The following PFKM variants were observed in gnomAD, a reference collection of about 807,000 sequenced individuals.
The protein encoded by PFKM is ATP-dependent 6-phosphofructokinase, muscle type.
A neutral mutation model predicts 95.5 loss-of-function variants in PFKM; 58 were observed. The observed-to-expected ratio is 0.61, with a 90% CI of 0.49 to 0.76. The LOEUF is 0.76. PFKM is among the 30% of genes least tolerant of loss of function. The pLI is 0.00. For missense variants in PFKM, 678 were observed against 1,005.4 expected, an observed-to-expected ratio of 0.67 and a Z score of 4.40; for synonymous variants, 336 against 357.2, an observed-to-expected ratio of 0.94 and a Z score of 0.67.
At position 48,145,696 on chromosome 12, in the gene PFKM, A is replaced by G. The variant is rs1433384870; in HGVS notation, c.2331A>G (p.Glu777=). ...LEHITRKRSG[E]AAV Reference sequence around the variant, plus strand: ...ACATCACCCGGAAGCGGTCCGGGGAAGCTGCCGTCTAAACCTCTCTGGAGT... The same window carrying G: ...ACATCACCCGGAAGCGGTCCGGGGAGGCTGCCGTCTAAACCTCTCTGGAGT... Residue 777 remains glutamate (E), a synonymous_variant, in exon 23 of 23, where the codon GAA becomes GAG. Transcript: ENST00000359794. This position sits in a 1 kb window ranked among gnomAD's most constrained non-coding sequence, Gnocchi z 4.3. The G allele has an allele frequency of 6.2e-7, 1 of 1,614,162 alleles. No individual in the cohort carries two copies. The highest frequency in any genetic ancestry group is 8.5e-7 in the Non-Finnish European group (1 of 1,179,996).
chr12:48,129,872 G>A, intron 2 of PFKM, among the ~76,000 whole-genome samples: 1 of 152,176 alleles, frequency 6.6e-6, no homozygotes, highest in Non-Finnish European at 1.5e-5. Context: ...GTTAACTTAG[G>A]CATCTGAGAA....
chr12:48,135,911 C>CA (rs1950036183), intron 10 of PFKM, among the ~76,000 whole-genome samples: 6 of 151,430 alleles, frequency 4.0e-5, no homozygotes, highest in Non-Finnish European at 8.8e-5. Context: ...TTTTTTGAGA[C>CA]GCACCATTGC....
chr12:48,108,431 A>G (rs1211205733), intron 3 of PFKM, among the ~76,000 whole-genome samples: 2 of 152,190 alleles, frequency 1.3e-5, no homozygotes, highest in African/African-American at 4.8e-5. Flanking sequence ...GGGAAATTGT[A>G]GGGAAACAGA....
intron 17 of PFKM, 64 bp downstream of exon 17, chr12:48,142,130 G>T: frequency 1.4e-6 from 2 of 1,434,320 alleles, no homozygotes; most frequent in Non-Finnish European, 2.0e-6. Flanking sequence ...ACTGAGTGTG[G>T]TCCCAAACAG....
intron 1 of PFKM, among the ~76,000 whole-genome samples, chr12:48,107,211 T>A (rs1222745677): frequency 6.6e-6 from 1 of 152,158 alleles, no homozygotes; most frequent in Non-Finnish European, 1.5e-5. Flanking sequence ...TACATCAAAG[T>A]AGATTATTTG....
intron 3 of PFKM, among the ~76,000 whole-genome samples, chr12:48,111,313 TG>T (rs1947168132): frequency 6.6e-6 from 1 of 152,202 alleles, no homozygotes; most frequent in South Asian, 2.1e-4. Flanking sequence ...GCATTGCCCA[TG>T]CCCCCTGCTG....
At chr12:48,129,223 T>C (rs1949184337) in intron 2 of PFKM, among the ~76,000 whole-genome samples, 1 of 119,702 alleles carries the variant, frequency 8.4e-6, no homozygotes, top group African/African-American at 3.3e-5. Flanking sequence ...TTTTTTTTTT[T>C]TTTTTTTTTT....
At position 48,134,227 on chromosome 12, in the gene PFKM, T is replaced by C; in HGVS notation, c.594-5T>C. 6.2e-7 allele frequency: 1 copy of C among 1,613,566 alleles called. No individual in the cohort carries two copies. The highest frequency in any genetic ancestry group is 8.5e-7 in the Non-Finnish European group (1 of 1,179,456). On this transcript the variant is annotated splice_region_variant and splice_polypyrimidine_tract_variant and intron_variant, in intron 6 of 22. Transcript: ENST00000359794. ...TGGACTGTGTCATATGTCTATCTCT[T>C]GCAGCCACCAGAGGACATTTGTGTT...
intron 2 of PFKM, 77 bp from the exon 3 acceptor site, chr12:48,130,286 A>C: frequency 4.5e-6 from 4 of 892,994 alleles, no homozygotes; most frequent in Non-Finnish European, 7.7e-6. Context: ...TCTTTAGCCA[A>C]ATGTAATATC....
chr12:48,112,322 C>T (rs1214851143), intron 3 of PFKM, among the ~76,000 whole-genome samples: 1 of 152,000 alleles, frequency 6.6e-6, no homozygotes, highest in Admixed American at 6.5e-5. Context: ...CTAACCATGC[C>T]TAGGAAGGAA....
chr12:48,142,826 G>C lies in PFKM; in HGVS notation c.1698G>C (p.Arg566=). The C allele has an allele frequency of 6.2e-7, 1 of 1,614,108 alleles. No individual in the cohort carries two copies. The highest frequency in any genetic ancestry group is 8.5e-7 in the Non-Finnish European group (1 of 1,179,996). ...AGTCAGCAGCTGGCACCAAGCGTCG[G>C]GTGTTTATCATTGAGACTATGGGTG... ...IKQSAAGTKR[R]VFIIETMGGY... The change falls in exon 18 of 23, where the codon CGG becomes CGC. Residue 566 remains arginine, a synonymous_variant. Coordinates refer to ENST00000359794, the MANE Select transcript of PFKM (RefSeq NM_000289.6).
At chr12:48,108,638 A>G (rs779958703) in intron 3 of PFKM, among the ~76,000 whole-genome samples, 2 of 152,226 alleles carry the variant, frequency 1.3e-5, no homozygotes, top group African/African-American at 2.4e-5. Context: ...TTAGGAAACC[A>G]TTTAATAATA....
chr12:48,137,700 T>G, intron 10 of PFKM, 21 bp from the exon 11 acceptor site: 2 of 1,613,994 alleles, frequency 1.2e-6, no homozygotes, highest in Non-Finnish European at 1.7e-6. Context: ...CAGACTGTCT[T>G]TGTTCTCTGG....
intron 10 of PFKM, 106 bp downstream of exon 10, chr12:48,135,489 C>A: frequency 1.3e-6 from 1 of 761,630 alleles, no homozygotes; most frequent in Non-Finnish European, 2.2e-6. Context: ...TCACTGGTCG[C>A]ATTGCCTCTC....
Position 48,133,469 on chromosome 12 carries a change from C to T in PFKM, c.582C>T (p.Thr194=). ...TGGAAATTGTAGATGCCATCACTAC[C>T]ACTGCCCAGAGGTAAGGGGACTTGG... The part of the protein sequence containing the change: ...RIMEIVDAIT[T]TAQSHQRTFV... Residue 194 remains threonine, a synonymous_variant, in exon 6 of 23, where the codon ACC becomes ACT. Transcript: ENST00000359794. 6.2e-7 allele frequency: 1 copy of T among 1,614,014 alleles called. No individual in the cohort carries two copies. Among genetic ancestry groups the T allele is most frequent in the South Asian group, 1.1e-5 (1 of 91,080 alleles).
Position 48,137,819 on chromosome 12 carries a change from C to T in PFKM, c.1035C>T (p.Arg345=), listed in dbSNP as rs1244391267. ...VVSLSGNQAV[R]LPLMECVQVT... The stretch of plus-strand genomic sequence containing the variant: ...GCCTCTCTGGTAACCAGGCTGTGCG[C>T]CTGCCCCTCATGGAATGTGTCCAGG... Residue 345 remains arginine (R), a synonymous_variant, in exon 11 of 23, where the codon CGC becomes CGT. Coordinates refer to ENST00000359794, the MANE Select transcript of PFKM (RefSeq NM_000289.6). 1.2e-6 allele frequency: 2 copies of T among 1,614,034 alleles called. No homozygotes were observed. Among genetic ancestry groups the T allele is most frequent in the African/African-American group, 2.7e-5 (2 of 74,918 alleles).
In PFKM at chr12:48,145,395, T is replaced by C; in HGVS notation, c.2198+80T>C. On this transcript the variant is annotated intron_variant, in intron 22 of 22. Coordinates refer to ENST00000359794, the MANE Select transcript of PFKM (RefSeq NM_000289.6). The surrounding 1 kb of genome is among the most constrained non-coding windows in gnomAD (Gnocchi z 4.3). The stretch of plus-strand genomic sequence containing the variant: ...CTGTCCTCAACCTGTTCACTGTCTT[T>C]AATTCTTTTTTTTTTTTAAGGAGTA... 1 of 1,373,928 alleles carries C rather than the reference T, an allele frequency of 7.3e-7. No homozygotes were observed. The highest frequency in any genetic ancestry group is 1.0e-6 in the Non-Finnish European group (1 of 969,636). 85.1% of individuals were successfully genotyped at this position (1,373,928 alleles called of 1,614,324 possible). A position where few individuals can be genotyped will look rare whatever the true frequency, so the allele number is the denominator to read the frequency against.
chr12:48,117,727 C>G (rs1459570635), upstream of PFKM, among the ~76,000 whole-genome samples: 1 of 152,150 alleles, frequency 6.6e-6, no homozygotes, highest in East Asian at 1.9e-4. Flanking sequence ...TTATCCTGAG[C>G]CAAATACGAG....
intron 7 of PFKM, among the ~76,000 whole-genome samples, 195 bp downstream of exon 7, chr12:48,134,471 G>A (rs1048990933): frequency 1.6e-4 from 24 of 152,326 alleles, no homozygotes; most frequent in African/African-American, 4.8e-4. Context: ...GCTCAGGCAC[G>A]TGCTTGGTGT....
Sources: gnomAD v4.1 joint callset for allele counts (sites outside exome capture counted in the v4.1 genomes callset) on GRCh38, gnomAD v4.1.1 for gene constraint, Gnocchi (gnomAD v3.1) non-coding constraint, MANE v1.5 for transcripts, NCBI Gene and HGNC (gene_info 2026-07-23, HGNC 2026-07-21) for gene names.